DET1: variants seen among roughly 807,000 people sequenced by gnomAD.
The protein encoded by DET1 is DET1 partner of COP1 E3 ubiquitin ligase.
A neutral mutation model predicts 43.7 loss-of-function variants in DET1; 22 were observed. The observed-to-expected ratio is 0.50, with a 90% CI of 0.36 to 0.72. DET1 has a LOEUF of 0.72. DET1 is among the 30% of genes least tolerant of loss of function. The pLI, the probability that DET1 is intolerant of heterozygous loss-of-function variation, is 0.00. For synonymous variants in DET1, 315 were observed against 266.2 expected (o/e 1.18, Z -1.79); for missense variants, 713 against 713.3 (o/e 1.00, Z 0.00).
At chr15:88,506,747 T>G (rs1188906509) in intron 7 of DET1, among the ~76,000 whole-genome samples, 7 of 152,238 alleles carry the variant, frequency 4.6e-5, no homozygotes, top group Non-Finnish European at 8.8e-5. Context: ...ACTGTGCTTC[T>G]CTGCAAGGGC....
chr15:88,539,952 G>A (rs540915459), intron 1 of DET1, among the ~76,000 whole-genome samples: 53 of 152,164 alleles, frequency 3.5e-4, no homozygotes, highest in African/African-American at 1.2e-3. Context: ...ACACTGTGTA[G>A]GGAAACCTAC....
chr15:88,527,998 G>A (rs1661672353), intron 2 of DET1, among the ~76,000 whole-genome samples: 1 of 152,172 alleles, frequency 6.6e-6, no homozygotes, highest in Admixed American at 6.5e-5. Context: ...GCAACAGTGG[G>A]ATTTATCAAC....
At position 88,531,674 on chromosome 15, in the gene DET1, C is replaced by T. The variant is rs746776924; in HGVS notation, c.32G>A (p.Arg11Gln). The T allele has an allele frequency of 3.5e-5, 57 of 1,611,058 alleles. No individual in the cohort carries two copies. The highest frequency in any genetic ancestry group is 1.1e-4 in the African/African-American group (8 of 74,822). The change falls in exon 2 of 5, where the codon CGA becomes CAA. Residue 11 changes from arginine to glutamine, a missense_variant. Arg to Gln is a conservative substitution (Grantham distance 43, BLOSUM62 1). Coordinates refer to ENST00000268148, the MANE Select transcript of DET1 (RefSeq NM_001144074.3). This position sits in a 1 kb window ranked among gnomAD's most constrained non-coding sequence, Gnocchi z 6.2. MDHHVSTIKP[R>Q]RIQNQNVIHR... ...AATGACATTTTGGTTTTGGATTCTT[C>T]GAGGCTTGATGGTAGAAACATGATG... is the stretch of plus-strand genomic sequence containing the variant.
chr15:88,543,799 C>A (rs950002000), intron 1 of DET1, among the ~76,000 whole-genome samples: 14 of 152,136 alleles, frequency 9.2e-5, no homozygotes, highest in African/African-American at 2.9e-4. Flanking sequence ...CTACCAGAAG[C>A]GTGGGCTACT....
At chr15:88,508,840 TCAAAGCAGGA>T (rs1488719168), downstream of DET1, among the ~76,000 whole-genome samples, 1 of 152,020 alleles carries the variant, frequency 6.6e-6, no homozygotes, top group African/African-American at 2.4e-5. Context: ...GAATAAGGGG[TCAAAGCAGGA>T]CTTTTTAAAG....
At chr15:88,545,714 G>C (rs1039209803) in intron 1 of DET1, among the ~76,000 whole-genome samples, 41 of 150,662 alleles carry the variant, frequency 2.7e-4, no homozygotes, top group African/African-American at 9.1e-4. Flanking sequence ...AAAAACACAA[G>C]TGGGGAATGT....
At chr15:88,508,518 A>G (rs1213923976), downstream of DET1, among the ~76,000 whole-genome samples, 2 of 152,238 alleles carry the variant, frequency 1.3e-5, no homozygotes, top group Non-Finnish European at 2.9e-5. Context: ...AGCAACAATC[A>G]TTAAGGCAGG....
intron 1 of DET1, among the ~76,000 whole-genome samples, chr15:88,537,081 A>G (rs2056972255): frequency 6.6e-6 from 1 of 152,226 alleles, no homozygotes; most frequent in African/African-American, 2.4e-5. Flanking sequence ...AAAAATGTAC[A>G]TACCTCCATG....
At chr15:88,523,055 T>C (rs2056545245) in intron 3 of DET1, among the ~76,000 whole-genome samples, 1 of 151,900 alleles carries the variant, frequency 6.6e-6, no homozygotes, top group South Asian at 2.1e-4. Flanking sequence ...GCTAATTTTT[T>C]TGTTTTTTCG....
chr15:88,545,198 A>G (rs550612724), intron 1 of DET1, among the ~76,000 whole-genome samples: 1 of 152,344 alleles, frequency 6.6e-6, no homozygotes, highest in Admixed American at 6.5e-5. Flanking sequence ...TCCTCTTACA[A>G]TAATATTACG....
rs140630717 is a variant in DET1 at position 88,517,391 on chromosome 15, A to C, written c.1272-418T>G. ...CAGGCACGTGCCACCACACCCAGCT[A>C]ATTTTTGTATTTTTTATAGAGATGG... On this transcript the variant is annotated intron_variant, in intron 3 of 4. Coordinates refer to ENST00000268148, the MANE Select transcript of DET1 (RefSeq NM_001144074.3). 1.4e-3 allele frequency among the ~76,000 whole-genome samples: 214 copies of C among 151,730 alleles called. 1 individual carries two copies. Among genetic ancestry groups the C allele is most frequent in the Admixed American group, 2.7e-3 (41 of 15,244 alleles).
At position 88,512,747 on chromosome 15, in the gene DET1, A is replaced by G; in HGVS notation, c.*204T>C. 7.7e-7 allele frequency: 1 copy of G among 1,300,508 alleles called. No homozygotes were observed. Among genetic ancestry groups the G allele is most frequent in the Non-Finnish European group, 9.7e-7 (1 of 1,027,130 alleles). The allele number at this position is 1,300,508 out of a possible 1,614,324, so 80.6% of individuals were successfully genotyped here. On this transcript the variant is annotated 3_prime_UTR_variant, in exon 5 of 5. Transcript: ENST00000268148. ...CAGGGAAAACGCAAGAGGATATTAT[A>G]ACAATCAGTAGCAGTATTGTATACA...
intron 2 of DET1, among the ~76,000 whole-genome samples, chr15:88,529,933 C>T (rs145298141): frequency 5.3e-5 from 8 of 152,240 alleles, no homozygotes; most frequent in Admixed American, 3.9e-4. Context: ...GCTTCTTCCC[C>T]CTACTGAAAG....
rs1049715723 is a variant in DET1, at chr15:88,517,780, T to C, written c.1272-807A>G. Among the ~76,000 whole-genome samples, 4 of 152,188 alleles carry C rather than the reference T, an allele frequency of 2.6e-5. No individual in the cohort carries two copies. In the South Asian group the frequency reaches 8.3e-4, roughly 31 times the overall value. ...TCACAAATAAATTACGCATTCTTTG[T>C]TTGTTTAAATAAAATTTGGAAACTA... On this transcript the variant is annotated intron_variant, in intron 3 of 4. Coordinates refer to ENST00000268148, the MANE Select transcript of DET1 (RefSeq NM_001144074.3).
intron 1 of DET1, among the ~76,000 whole-genome samples, chr15:88,540,421 T>C (rs1474319686): frequency 6.6e-6 from 1 of 151,966 alleles, no homozygotes; most frequent in East Asian, 1.9e-4. Context: ...TCTGTCCATG[T>C]TGGATCTGAT....
At chr15:88,536,240 G>A in intron 1 of DET1, 1 of 722,022 alleles carries the variant, frequency 1.4e-6, no homozygotes, top group Non-Finnish European at 2.6e-6. Flanking sequence ...CCTTACGTCT[G>A]CCCACATGAA....
At chr15:88,523,854 C>A (rs2056574960) in intron 3 of DET1, among the ~76,000 whole-genome samples, 1 of 152,148 alleles carries the variant, frequency 6.6e-6, no homozygotes. Flanking sequence ...CTCTGCCCGG[C>A]CGCCACCCCG....
chr15:88,525,424 T>G (rs1437969518), intron 3 of DET1, among the ~76,000 whole-genome samples: 4 of 152,254 alleles, frequency 2.6e-5, no homozygotes, highest in Non-Finnish European at 4.4e-5. Flanking sequence ...GAGCTTTCTG[T>G]AATTTTGTTT....
chr15:88,512,761 G>A lies in DET1; in HGVS notation c.*190C>T. On this transcript the variant is annotated 3_prime_UTR_variant, in exon 5 of 5. Coordinates refer to ENST00000268148, the MANE Select transcript of DET1 (RefSeq NM_001144074.3). ...GAGGATATTATAACAATCAGTAGCA[G>A]TATTGTATACAATTTAAAAATTCCA... 1.5e-6 allele frequency: 2 copies of A among 1,360,230 alleles called. No homozygotes were observed. The highest frequency in any genetic ancestry group is 1.9e-6 in the Non-Finnish European group (2 of 1,058,978). The allele number at this position is 1,360,230 out of a possible 1,614,324, so 84.3% of individuals were successfully genotyped here.
Sources: gnomAD v4.1 joint callset for allele counts (sites outside exome capture counted in the v4.1 genomes callset) on GRCh38, gnomAD v4.1.1 for gene constraint, Gnocchi (gnomAD v3.1) non-coding constraint, MANE v1.5 for transcripts, NCBI Gene and HGNC (gene_info 2026-07-23, HGNC 2026-07-21) for gene names.